Variants in RFX6 observed in about 807,000 individuals in gnomAD.
The protein encoded by RFX6 is DNA-binding protein RFX6.
RFX6 carries 50 observed loss-of-function variants against 110.8 expected under a neutral mutation model. The ratio of observed to expected loss-of-function variants is 0.45; its 90% CI spans 0.36 to 0.57. RFX6 has a LOEUF of 0.57. Ranked by LOEUF, RFX6 falls within the 20% of genes least tolerant of loss-of-function variation. RFX6 has a pLI of 0.00. For synonymous variants in RFX6, 383 were observed against 411.2 expected (o/e 0.93, Z 0.83); for missense variants, 990 against 1,127.0 (o/e 0.88, Z 1.74).
At chr6:116,886,822 T>C (rs989737011) in intron 4 of RFX6, among the ~76,000 whole-genome samples, 11 of 151,978 alleles carry the variant, frequency 7.2e-5, no homozygotes, top group African/African-American at 2.4e-4. Context: ...CCCAGCACTT[T>C]GGGAGGCTGA....
rs776238788 is a variant in RFX6 at position 116,910,983 on chromosome 6, C to A, written c.721C>A (p.Leu241Ile). The change falls in exon 7 of 19, where the codon CTT becomes ATT. Residue 241 changes from leucine to isoleucine, a missense_variant. Transcript: ENST00000332958. ...YSLSSKTGTL[L>I]PEFPSAQHLV... is the part of the protein sequence containing the mutation. Reference sequence around the variant, plus strand: ...GCTTAGCTCAAAAACTGGAACACTTCTTCCAGAATTCCCCAGCGCTCAACA... The same window carrying A: ...GCTTAGCTCAAAAACTGGAACACTTATTCCAGAATTCCCCAGCGCTCAACA... 1 of 1,613,788 alleles carries A rather than the reference C, an allele frequency of 6.2e-7. No individual in the cohort carries two copies. The highest frequency in any genetic ancestry group is 1.1e-5 in the South Asian group (1 of 91,082).
Position 116,925,611 on chromosome 6 carries a change from G to A in RFX6, c.1837G>A (p.Ala613Thr). ...CAGTCAACCTGGAGGCCTAGGCCCT[G>A]CTCTGCACCAGTTCCCTGCTGGGAA... ...PSSQPGGLGP[A>T]LHQFPAGNTD... is the part of the protein sequence containing the mutation. Residue 613 changes from alanine (A) to threonine (T), a missense_variant, in exon 16 of 19, where the codon GCT becomes ACT. Ala to Thr is a moderately conservative substitution (Grantham distance 58). Around this residue, in one of 5 missense-constraint regions of RFX6, gnomAD observed 438 missense variants for 441.9 expected, o/e 0.99. Coordinates refer to ENST00000332958, the MANE Select transcript of RFX6 (RefSeq NM_173560.4). 6.2e-7 allele frequency: 1 copy of A among 1,614,066 alleles called. No individual in the cohort carries two copies. The highest frequency in any genetic ancestry group is 8.5e-7 in the Non-Finnish European group (1 of 1,179,930).
At chr6:116,931,002 C>T (rs983507173) in intron 18 of RFX6, among the ~76,000 whole-genome samples, 1 of 151,946 alleles carries the variant, frequency 6.6e-6, no homozygotes, top group Non-Finnish European at 1.5e-5. Context: ...TGTGTTGGTC[C>T]AGGAGAGAAA....
At chr6:116,904,450 A>G (rs145490690) in intron 6 of RFX6, among the ~76,000 whole-genome samples, 1 of 152,118 alleles carries the variant, frequency 6.6e-6, no homozygotes, top group African/African-American at 2.4e-5. Context: ...CTTTGAAAGC[A>G]TAAAGTTGCT....
In RFX6 at chr6:116,929,996, T is replaced by C. The variant is rs116063982; in HGVS notation, c.2611+1025T>C. Among the ~76,000 whole-genome samples, 441 of 152,350 alleles carry C rather than the reference T, an allele frequency of 2.9e-3. 3 individuals are homozygous for C. Among genetic ancestry groups the C allele is most frequent in the African/African-American group, 0.01 (424 of 41,576 alleles). ...CAAATGGTCATTGCTTCTAGGTTAC[T>C]CTAATGAAGCAGAAAATTCCACTTC... On this transcript the variant is annotated intron_variant, in intron 18 of 18. Coordinates refer to ENST00000332958, the MANE Select transcript of RFX6 (RefSeq NM_173560.4).
intron 6 of RFX6, among the ~76,000 whole-genome samples, chr6:116,896,602 A>T (rs576799355): frequency 1.2e-4 from 19 of 152,130 alleles, no homozygotes; most frequent in African/African-American, 4.6e-4. Flanking sequence ...CTACTCAAGG[A>T]GGCTGAGGCA....
At chr6:116,930,445 A>G (rs1775858517) in intron 18 of RFX6, among the ~76,000 whole-genome samples, 1 of 152,214 alleles carries the variant, frequency 6.6e-6, no homozygotes, top group Non-Finnish European at 1.5e-5. Flanking sequence ...TCTTGCCTGT[A>G]AGAAGTTTAC....
rs966124894 is a variant in RFX6 at position 116,931,692 on chromosome 6, C to T, written c.*186C>T. On this transcript the variant is annotated 3_prime_UTR_variant, in exon 19 of 19. Transcript: ENST00000332958. ...AGATACTTGCAGAGCTTGTCATGCA[C>T]ACTAAGAGTTTAAAATGTGAGCTCA... 4 of 550,428 alleles carry T rather than the reference C, an allele frequency of 7.3e-6. No homozygotes were observed. Among genetic ancestry groups the T allele is most frequent in the Admixed American group, 3.3e-5 (1 of 30,152 alleles). 34.1% of individuals were successfully genotyped at this position (550,428 alleles called of 1,614,324 possible). A position where few individuals can be genotyped will look rare whatever the true frequency, so the allele number is the denominator to read the frequency against.
chr6:116,927,559 T>A lies in RFX6; in HGVS notation c.2398+20T>A, dbSNP rs1164069140. ...CAAATGGTATTGATATTTAAAAGAATTTTTCTTGGTTTTTGAGATGGCAAT... is the reference window on the plus strand; with the variant it reads ...CAAATGGTATTGATATTTAAAAGAAATTTTCTTGGTTTTTGAGATGGCAAT... On this transcript the variant is annotated intron_variant, in intron 17 of 18. Coordinates refer to ENST00000332958, the MANE Select transcript of RFX6 (RefSeq NM_173560.4). 4.4e-6 allele frequency: 7 copies of A among 1,605,338 alleles called. No individual in the cohort carries two copies. The highest frequency in any genetic ancestry group is 1.3e-5 in the African/African-American group (1 of 74,854).
intron 3 of RFX6, among the ~76,000 whole-genome samples, chr6:116,881,442 A>C (rs1201771518): frequency 6.6e-6 from 1 of 152,074 alleles, no homozygotes. Context: ...AAAATAATGA[A>C]TACTACAGTC....
In RFX6 at chr6:116,923,283, C is replaced by A; in HGVS notation, c.1555+59C>A. ...TGAATTATATAATTTGTTCCTCAGT[C>A]ACAGTTCCTGTCAATTTTTAAACAT... is the stretch of plus-strand genomic sequence containing the variant. On this transcript the variant is annotated intron_variant, in intron 14 of 18. Transcript: ENST00000332958. 3.5e-6 allele frequency: 3 copies of A among 849,342 alleles called. No homozygotes were observed. The South Asian group carries it at 4.0e-5, about 11-fold the overall frequency. 52.6% of individuals were successfully genotyped at this position (849,342 alleles called of 1,614,324 possible).
At chr6:116,893,723 G>A (rs1313038309) in intron 4 of RFX6, among the ~76,000 whole-genome samples, 2 of 152,104 alleles carry the variant, frequency 1.3e-5, no homozygotes, top group African/African-American at 2.4e-5. Context: ...GGAACCTAAT[G>A]TTTTAGGGTA....
Position 116,916,019 on chromosome 6 carries a change from C to T in RFX6, c.792C>T (p.Leu264=), listed in dbSNP as rs759200147. ...GCISKDKVDT[L]IMMYKTHCQC... Reference sequence around the variant, plus strand: ...CTTCCTTGAAATAGGTTGATACGCTCATAATGATGTACAAAACTCACTGCC... The same window carrying T: ...CTTCCTTGAAATAGGTTGATACGCTTATAATGATGTACAAAACTCACTGCC... The change falls in exon 8 of 19, where the codon CTC becomes CTT. Residue 264 remains leucine, a synonymous_variant. Coordinates refer to ENST00000332958, the MANE Select transcript of RFX6 (RefSeq NM_173560.4). 1.9e-6 allele frequency: 3 copies of T among 1,608,842 alleles called. No homozygotes were observed. In the East Asian group the frequency reaches 6.7e-5, roughly 36 times the overall value.
At chr6:116,886,762 A>C (rs144481918) in intron 4 of RFX6, among the ~76,000 whole-genome samples, 132 of 152,112 alleles carry the variant, frequency 8.7e-4, no homozygotes, top group African/African-American at 3.1e-3. Context: ...TAAAACAGAT[A>C]TATTAAAACA....
At chr6:116,921,924 T>G (rs1775606671) in intron 12 of RFX6, 118 bp from the exon 13 acceptor site, 1 of 659,816 alleles carries the variant, frequency 1.5e-6, no homozygotes, top group Non-Finnish European at 2.7e-6. Flanking sequence ...TTTATCTGTC[T>G]TTCCCTTTCA....
chr6:116,892,450 T>C (rs77604910), intron 4 of RFX6, among the ~76,000 whole-genome samples: 1 of 152,218 alleles, frequency 6.6e-6, no homozygotes, highest in Non-Finnish European at 1.5e-5. Flanking sequence ...TGGGCCTATA[T>C]TGGGCATGTC....
At chr6:116,879,701 A>G (rs1774546538) in intron 2 of RFX6, among the ~76,000 whole-genome samples, 2 of 151,934 alleles carry the variant, frequency 1.3e-5, no homozygotes, top group South Asian at 2.1e-4. Flanking sequence ...AATTTTAGTC[A>G]AAATCACCTA....
Position 116,927,188 on chromosome 6 carries a change from G to A in RFX6, c.2047G>A (p.Glu683Lys), listed in dbSNP as rs149748658. ...SAPSHCSTYP[E>K]PIYPTLPQAN... is the part of the protein sequence containing the mutation. Reference sequence around the variant, plus strand: ...TCCATCACACTGCTCCACATACCCAGAGCCCATTTATCCCACTCTCCCTCA... The same window carrying A: ...TCCATCACACTGCTCCACATACCCAAAGCCCATTTATCCCACTCTCCCTCA... The change falls in exon 17 of 19, where the codon GAG becomes AAG. Residue 683 changes from glutamate to lysine, a missense_variant. Around this residue, in one of 5 missense-constraint regions of RFX6, gnomAD observed 438 missense variants for 441.9 expected, o/e 0.99. Transcript: ENST00000332958. 1 of 1,614,122 alleles carries A rather than the reference G, an allele frequency of 6.2e-7. No homozygotes were observed. The highest frequency in any genetic ancestry group is 1.7e-5 in the Admixed American group (1 of 60,008).
At chr6:116,888,746 G>A (rs1215954142) in intron 4 of RFX6, among the ~76,000 whole-genome samples, 1 of 152,014 alleles carries the variant, frequency 6.6e-6, no homozygotes, top group Non-Finnish European at 1.5e-5. Flanking sequence ...ATATCTTCTT[G>A]TTATATTACA....
Sources: allele counts gnomAD v4.1 joint callset (sites outside exome capture counted in the v4.1 genomes callset), GRCh38; gene constraint gnomAD v4.1.1; regional missense constraint gnomAD v4.1.1; transcripts MANE v1.5; gene names NCBI Gene and HGNC (gene_info 2026-07-23, HGNC 2026-07-21).